The following PSKH1 variants were observed in gnomAD, a reference collection of about 807,000 sequenced individuals.
PSKH1 encodes the protein protein serine kinase H1, also known as serine/threonine-protein kinase H1.
Under a neutral mutation model 26.7 loss-of-function variants are expected in PSKH1, and 12 were observed. The ratio of observed to expected loss-of-function variants is 0.45; its 90% CI spans 0.29 to 0.73. PSKH1 has a LOEUF of 0.73. PSKH1 is among the 30% of genes least tolerant of loss of function. PSKH1 has a pLI of 0.11. For synonymous variants in PSKH1, 213 were observed against 234.3 expected, an observed-to-expected ratio of 0.91 and a Z score of 0.83; for missense variants, 431 against 595.2, an observed-to-expected ratio of 0.72 and a Z score of 2.87.
chr16:67,905,743 C>A (rs1408030602), intron 1 of PSKH1, among the ~76,000 whole-genome samples: 1 of 152,104 alleles, frequency 6.6e-6, no homozygotes, highest in Admixed American at 6.6e-5. Context: ...CCTGTAATCC[C>A]AGCTACTTGG....
At chr16:67,896,096 CT>C (rs1716988570) in intron 1 of PSKH1, among the ~76,000 whole-genome samples, 1 of 151,588 alleles carries the variant, frequency 6.6e-6, no homozygotes, top group Non-Finnish European at 1.5e-5. Context: ...AAAAGAAGGT[CT>C]TGTCTTCTTT....
chr16:67,909,739 G>C lies in PSKH1; in HGVS notation c.957+33G>C, dbSNP rs772791034. On this transcript the variant is annotated intron_variant, in intron 2 of 2. Coordinates refer to ENST00000291041, the MANE Select transcript of PSKH1 (RefSeq NM_006742.3). The surrounding 1 kb of genome is among the most constrained non-coding windows in gnomAD (Gnocchi z 7.8). ...TGTCCTGCCCCTGTCCTGGATGTTG[G>C]GGAGGCACCTGCGGGGGCAGGTATA... The C allele has an allele frequency of 2.6e-5, 41 of 1,587,158 alleles. No individual in the cohort carries two copies. The highest frequency in any genetic ancestry group is 3.3e-5 in the Non-Finnish European group (38 of 1,166,872).
chr16:67,912,607 G>A (rs1598190643), intron 2 of PSKH1, among the ~76,000 whole-genome samples: 1 of 152,158 alleles, frequency 6.6e-6, no homozygotes, highest in East Asian at 1.9e-4. Flanking sequence ...GGTGGCTCAC[G>A]CCTGTAATCC....
intron 2 of PSKH1, among the ~76,000 whole-genome samples, chr16:67,910,461 AT>A (rs907102396): frequency 6.6e-6 from 1 of 151,616 alleles, no homozygotes; most frequent in Non-Finnish European, 1.5e-5. Flanking sequence ...TCCAGATCTG[AT>A]TTTTTTTTAG....
chr16:67,900,242 G>A (rs554398001), intron 1 of PSKH1, among the ~76,000 whole-genome samples: 4 of 152,222 alleles, frequency 2.6e-5, no homozygotes, highest in Admixed American at 6.5e-5. Context: ...GATTATAGGC[G>A]TGAGCCACTG....
chr16:67,899,945 T>C (rs1233867120), intron 1 of PSKH1, among the ~76,000 whole-genome samples: 1 of 150,178 alleles, frequency 6.7e-6, no homozygotes, highest in Non-Finnish European at 1.5e-5. Flanking sequence ...CACTGTGCCC[T>C]GCCTGTTTTT....
At chr16:67,900,892 C>T (rs1231476788) in intron 1 of PSKH1, among the ~76,000 whole-genome samples, 1 of 152,132 alleles carries the variant, frequency 6.6e-6, no homozygotes, top group African/African-American at 2.4e-5. Context: ...CTACACCTAC[C>T]GTGATCTCTG....
At chr16:67,921,683 C>T (rs1285167999) in intron 2 of PSKH1, among the ~76,000 whole-genome samples, 9 of 152,190 alleles carry the variant, frequency 5.9e-5, no homozygotes, top group Admixed American at 5.2e-4. Context: ...AAAGAGATCA[C>T]GCTGCAGCAG....
In PSKH1 at chr16:67,927,224, A is replaced by T; in HGVS notation, c.958-101A>T. The T allele has an allele frequency of 8.2e-7, 1 of 1,214,122 alleles. No homozygotes were observed. The highest frequency in any genetic ancestry group is 1.2e-6 in the Non-Finnish European group (1 of 864,256). 75.2% of individuals were successfully genotyped at this position (1,214,122 alleles called of 1,614,324 possible). A position where few individuals can be genotyped will look rare whatever the true frequency, so the allele number is the denominator to read the frequency against. On this transcript the variant is annotated intron_variant, in intron 2 of 2. Coordinates refer to ENST00000291041, the MANE Select transcript of PSKH1 (RefSeq NM_006742.3). This position sits in a 1 kb window ranked among gnomAD's most constrained non-coding sequence, Gnocchi z 5.5. ...AGTGCTACATGAGAGGAGGGGCAGCACCTCTCTCTGGAAAGGGGAGGGTTG... is the reference window on the plus strand; with the variant it reads ...AGTGCTACATGAGAGGAGGGGCAGCTCCTCTCTCTGGAAAGGGGAGGGTTG...
chr16:67,909,995 T>A lies in PSKH1; in HGVS notation c.957+289T>A. ...AAGGGAGAAAGTCAGTAGAGTATAT[T>A]GAGAAATGGACTGCCACTGTGGGCC... On this transcript the variant is annotated intron_variant, in intron 2 of 2. Transcript: ENST00000291041. The surrounding 1 kb of genome is among the most constrained non-coding windows in gnomAD (Gnocchi z 7.8). 1 of 529,018 alleles carries A rather than the reference T, an allele frequency of 1.9e-6. No individual in the cohort carries two copies. 32.8% of individuals were successfully genotyped at this position (529,018 alleles called of 1,614,324 possible).
In PSKH1 at chr16:67,909,406, C is replaced by G. The variant is rs992072498; in HGVS notation, c.657C>G (p.Leu219=). ...CACTGGGCATCACACACCGAGACCT[C>G]AAACCTGAGAATCTGCTCTACTACC... is the stretch of plus-strand genomic sequence containing the variant. ...LHALGITHRD[L]KPENLLYYHP... The change falls in exon 2 of 3, where the codon CTC becomes CTG. Residue 219 remains leucine, a synonymous_variant. Coordinates refer to ENST00000291041, the MANE Select transcript of PSKH1 (RefSeq NM_006742.3). This position sits in a 1 kb window ranked among gnomAD's most constrained non-coding sequence, Gnocchi z 7.8. 1 of 1,613,736 alleles carries G rather than the reference C, an allele frequency of 6.2e-7. No individual in the cohort carries two copies. Among genetic ancestry groups the G allele is most frequent in the Non-Finnish European group, 8.5e-7 (1 of 1,180,028 alleles).
intron 2 of PSKH1, among the ~76,000 whole-genome samples, chr16:67,921,261 A>C (rs2058201597): frequency 1.3e-5 from 2 of 151,942 alleles, no homozygotes; most frequent in African/African-American, 4.8e-5. Context: ...CAACAAGAGC[A>C]AAACTCCGTC....
intron 2 of PSKH1, among the ~76,000 whole-genome samples, chr16:67,917,814 G>A (rs1468704202): frequency 6.6e-6 from 1 of 152,182 alleles, no homozygotes; most frequent in Admixed American, 6.5e-5. Flanking sequence ...GCAAATACAA[G>A]ACTCTTGGAA....
chr16:67,925,672 C>T (rs990364614), intron 2 of PSKH1, among the ~76,000 whole-genome samples: 2 of 152,118 alleles, frequency 1.3e-5, no homozygotes, highest in East Asian at 3.9e-4. Flanking sequence ...CCCCAGGAGT[C>T]ACTGGGTGCT....
intron 1 of PSKH1, among the ~76,000 whole-genome samples, chr16:67,895,010 A>AC (rs200236884): frequency 0.021 from 2,905 of 137,464 alleles, 31 homozygotes; most frequent in Middle Eastern, 0.032. Context: ...TGCAACCTCT[A>AC]CCCCCCAGGT....
At chr16:67,904,821 ATTT>A (rs942779122) in intron 1 of PSKH1, among the ~76,000 whole-genome samples, 9 of 115,926 alleles carry the variant, frequency 7.8e-5, no homozygotes, top group Admixed American at 2.6e-4. Context: ...TCCTTTTTTA[ATTT>A]TTTTTTTTTT....
At chr16:67,924,831 T>A (rs2058211826) in intron 2 of PSKH1, among the ~76,000 whole-genome samples, 2 of 152,146 alleles carry the variant, frequency 1.3e-5, no homozygotes, top group Admixed American at 6.5e-5. Flanking sequence ...GTGTGCTGTC[T>A]CCATCAAGCT....
Position 67,909,338 on chromosome 16 carries a change from C to G in PSKH1, c.589C>G (p.Arg197Gly). ...KGSFTERDAT[R>G]VLQMVLDGVR... The stretch of plus-strand genomic sequence containing the variant: ...CTCCTTCACCGAGCGTGACGCCACG[C>G]GGGTGCTGCAGATGGTGCTGGATGG... Residue 197 changes from arginine to glycine, a missense_variant, in exon 2 of 3, where the codon CGG becomes GGG. By Grantham distance (125) the Arg-to-Gly change is moderately radical. Transcript: ENST00000291041. This position sits in a 1 kb window ranked among gnomAD's most constrained non-coding sequence, Gnocchi z 7.8. 6.2e-7 allele frequency: 1 copy of G among 1,614,106 alleles called. No individual in the cohort carries two copies.
At chr16:67,899,440 A>G (rs191597916) in intron 1 of PSKH1, among the ~76,000 whole-genome samples, 2 of 143,808 alleles carry the variant, frequency 1.4e-5, no homozygotes, top group African/African-American at 5.2e-5. Flanking sequence ...GGTTCACGCC[A>G]TTCTCCTGCC....
Sources: gnomAD v4.1 joint callset for allele counts (sites outside exome capture counted in the v4.1 genomes callset) on GRCh38, gnomAD v4.1.1 for gene constraint, Gnocchi (gnomAD v3.1) non-coding constraint, MANE v1.5 for transcripts, NCBI Gene and HGNC (gene_info 2026-07-23, HGNC 2026-07-21) for gene names.